Variants in TLK1 observed in about 807,000 individuals in gnomAD.
The protein encoded by TLK1 is serine/threonine-protein kinase tousled-like 1.
TLK1 carries 24 observed loss-of-function variants against 105.3 expected under a neutral mutation model. That is an observed-to-expected ratio of 0.23 (90% confidence interval 0.17 to 0.32). The LOEUF is 0.32. TLK1 is among the 10% of genes least tolerant of loss of function. The pLI is 1.00. For missense variants in TLK1, 558 were observed against 910.5 expected (o/e 0.61, Z 4.98); for synonymous variants, 321 against 310.4 (o/e 1.03, Z -0.36).
chr2:171,088,985 A>T (rs901605546), intron 2 of TLK1, among the ~76,000 whole-genome samples: 1 of 152,196 alleles, frequency 6.6e-6, no homozygotes, highest in African/African-American at 2.4e-5. Flanking sequence ...TCCGGGCTCA[A>T]GTGATTCTGC....
At chr2:171,126,747 C>A (rs767807191) in intron 1 of TLK1, among the ~76,000 whole-genome samples, 2 of 151,740 alleles carry the variant, frequency 1.3e-5, no homozygotes, top group Non-Finnish European at 2.9e-5. Context: ...TTAATTCACT[C>A]GAGATTTTAA....
intron 2 of TLK1, among the ~76,000 whole-genome samples, chr2:171,111,198 T>C (rs1690142468): frequency 6.6e-6 from 1 of 152,164 alleles, no homozygotes; most frequent in Non-Finnish European, 1.5e-5. Flanking sequence ...TTTAAAGTAT[T>C]GTAACTATAT....
In TLK1 at chr2:171,160,678, G is replaced by A. The variant is rs944391286; in HGVS notation, c.-250C>T. The A allele has an allele frequency of 1.4e-5, 8 of 557,456 alleles. No homozygotes were observed. In the Admixed American group the frequency reaches 3.0e-4, roughly 21 times the overall value. 34.5% of individuals were successfully genotyped at this position (557,456 alleles called of 1,614,324 possible). A position where few individuals can be genotyped will look rare whatever the true frequency, so the allele number is the denominator to read the frequency against. ...CGAGGGAGCGAGCGGGCGCGCCAGA[G>A]GAGAGGAGGAGGAAAGGAGCGCGGC... On this transcript the variant is annotated 5_prime_UTR_variant, in exon 1 of 21. Coordinates refer to ENST00000431350, the MANE Select transcript of TLK1 (RefSeq NM_012290.5). The surrounding 1 kb of genome is among the most constrained non-coding windows in gnomAD (Gnocchi z 4.4).
intron 1 of TLK1, among the ~76,000 whole-genome samples, chr2:171,222,143 C>A (rs1357899260): frequency 6.6e-6 from 1 of 152,120 alleles, no homozygotes; most frequent in Admixed American, 6.5e-5. Flanking sequence ...TCATGGCAAC[C>A]TACAAGCCAG....
chr2:171,121,971 G>A (rs929631243), intron 1 of TLK1, among the ~76,000 whole-genome samples: 2 of 151,932 alleles, frequency 1.3e-5, no homozygotes, highest in South Asian at 2.1e-4. Context: ...TTTTTGAGAC[G>A]CAGTCTCACT....
chr2:171,196,133 T>A (rs2105317430), intron 1 of TLK1, among the ~76,000 whole-genome samples: 1 of 151,220 alleles, frequency 6.6e-6, no homozygotes, highest in Admixed American at 6.6e-5. Context: ...TTTTTTTTTT[T>A]TGAGATGGAG....
intron 1 of TLK1, among the ~76,000 whole-genome samples, chr2:171,130,737 G>T (rs1038898641): frequency 6.6e-5 from 10 of 151,884 alleles, no homozygotes; most frequent in African/African-American, 2.4e-4. Context: ...AATAAAACAG[G>T]CTAGCCTACG....
chr2:171,171,713 ATATCTT>A (rs1317736307), intron 1 of TLK1, among the ~76,000 whole-genome samples: 2 of 152,218 alleles, frequency 1.3e-5, no homozygotes, highest in Non-Finnish European at 2.9e-5. Context: ...AAAATGCTAA[ATATCTT>A]TAGTCAACAA....
chr2:171,020,415 C>A (rs973096299), intron 12 of TLK1, among the ~76,000 whole-genome samples: 1 of 151,880 alleles, frequency 6.6e-6, no homozygotes, highest in African/African-American at 2.4e-5. Context: ...TGGCAGGAGC[C>A]TGTAGTCCCA....
intron 14 of TLK1, 98 bp downstream of exon 14, chr2:171,011,275 T>G: frequency 4.6e-5 from 48 of 1,048,582 alleles, no homozygotes; most frequent in Non-Finnish European, 5.3e-5. Flanking sequence ...GTTACATGTG[T>G]GAGCCACCAT....
At chr2:171,192,485 G>C (rs111414507) in intron 1 of TLK1, among the ~76,000 whole-genome samples, 16,952 of 151,802 alleles carry the variant, frequency 0.11, 1,460 homozygotes, top group African/African-American at 0.24. Context: ...CAAGACCATC[G>C]TGGCTAACAC....
intron 18 of TLK1, among the ~76,000 whole-genome samples, chr2:171,004,482 G>A (rs1422838149): frequency 6.6e-6 from 1 of 152,158 alleles, no homozygotes; most frequent in Non-Finnish European, 1.5e-5. Context: ...AGATTTCCAT[G>A]AGAAATACAT....
intron 3 of TLK1, among the ~76,000 whole-genome samples, chr2:171,075,139 AGCTAAGCACTAGTGCTTAGAATAC>A (rs1295188594): frequency 6.6e-6 from 1 of 152,138 alleles, no homozygotes; most frequent in Non-Finnish European, 1.5e-5. Flanking sequence ...ATAGAATCAT[AGCTAAGCACTAGTGCTTAGAATAC>A]ACTAAGCACT....
chr2:171,158,316 T>C (rs1692314945), intron 1 of TLK1, among the ~76,000 whole-genome samples: 2 of 152,190 alleles, frequency 1.3e-5, no homozygotes, highest in African/African-American at 4.8e-5. Flanking sequence ...CTCACTACTT[T>C]AGGTTACATA....
At chr2:171,165,866 G>A (rs531939498), upstream of TLK1, among the ~76,000 whole-genome samples, 1 of 152,198 alleles carries the variant, frequency 6.6e-6, no homozygotes, top group South Asian at 2.1e-4. Context: ...AGCCGAGATT[G>A]CACCACTGCA....
At position 171,011,474 on chromosome 2, in the gene TLK1, A is replaced by C. The variant is rs1279431387; in HGVS notation, c.1335-20T>G. 7 of 1,599,326 alleles carry C rather than the reference A, an allele frequency of 4.4e-6. No individual in the cohort carries two copies. In the South Asian group the frequency reaches 7.9e-5, roughly 18 times the overall value. Reference sequence around the variant, plus strand: ...TTGAACCTTAGAGGTGGGGGCAAAAAACAGACATATTAAAACACACACATA... The same window carrying C: ...TTGAACCTTAGAGGTGGGGGCAAAACACAGACATATTAAAACACACACATA... On this transcript the variant is annotated intron_variant, in intron 13 of 20. Transcript: ENST00000431350.
chr2:171,035,729 T>C (rs890273130), intron 11 of TLK1, among the ~76,000 whole-genome samples: 2 of 152,090 alleles, frequency 1.3e-5, no homozygotes, highest in African/African-American at 2.4e-5. Flanking sequence ...GCATTACCCA[T>C]GTGTGCCCAG....
chr2:171,073,149 T>A lies in TLK1; in HGVS notation c.330+9632A>T, dbSNP rs139228673. The stretch of plus-strand genomic sequence containing the variant: ...AGGTTTTTCCAAATATAAGATTATA[T>A]AATCTGCAAACAAGGATAATTTGAC... On this transcript the variant is annotated intron_variant, in intron 3 of 20. Transcript: ENST00000431350. 8.7e-3 allele frequency among the ~76,000 whole-genome samples: 1,323 copies of A among 152,244 alleles called. 19 individuals carry two copies. The highest frequency in any genetic ancestry group is 0.03 in the African/African-American group (1,226 of 41,540).
intron 1 of TLK1, among the ~76,000 whole-genome samples, chr2:171,141,613 T>C (rs936639638): frequency 4.6e-5 from 7 of 152,152 alleles, no homozygotes; most frequent in African/African-American, 1.7e-4. Context: ...GTAAGACTGA[T>C]AGTTGACTTC....
Sources: allele counts gnomAD v4.1 joint callset (sites outside exome capture counted in the v4.1 genomes callset), GRCh38; gene constraint gnomAD v4.1.1; non-coding constraint Gnocchi (gnomAD v3.1); transcripts MANE v1.5; gene names NCBI Gene and HGNC (gene_info 2026-07-23, HGNC 2026-07-21).